Variants in HCRTR2 observed in about 807,000 individuals in gnomAD.
The protein encoded by HCRTR2 is hypocretin receptor 2.
HCRTR2 carries 22 observed loss-of-function variants against 49.0 expected under a neutral mutation model. That is an observed-to-expected ratio of 0.45 (90% confidence interval 0.32 to 0.64). The LOEUF is 0.64. HCRTR2 is among the 30% of genes least tolerant of loss of function. The probability of loss-of-function intolerance (pLI) is 0.04; values close to 1 mark genes in which losing one functional copy is unlikely to be tolerated. For missense variants in HCRTR2, 491 were observed against 559.4 expected (o/e 0.88, Z 1.23); for synonymous variants, 236 against 205.3 (o/e 1.15, Z -1.28).
chr6:55,116,224 G>A (rs1217313079), intron 1 of HCRTR2, among the ~76,000 whole-genome samples: 1 of 151,662 alleles, frequency 6.6e-6, no homozygotes, highest in Non-Finnish European at 1.5e-5. Context: ...GAAATGGCCA[G>A]TAAAACAGAT....
At chr6:55,209,532 C>T (rs905523258) in intron 1 of HCRTR2, among the ~76,000 whole-genome samples, 3 of 152,118 alleles carry the variant, frequency 2.0e-5, no homozygotes, top group Admixed American at 1.3e-4. Context: ...CACAGACAAT[C>T]AATTATGAAG....
chr6:55,239,074 A>C (rs1278497627), intron 1 of HCRTR2, among the ~76,000 whole-genome samples: 2 of 152,178 alleles, frequency 1.3e-5, no homozygotes, highest in Non-Finnish European at 2.9e-5. Flanking sequence ...GTTATCTACA[A>C]AGTGTAAAAA....
Position 55,280,368 on chromosome 6 carries a change from T to C in HCRTR2, c.1029T>C (p.Tyr343=). The change falls in exon 6 of 7, where the codon TAT becomes TAC. Residue 343 remains tyrosine, a synonymous_variant. Transcript: ENST00000370862. ...FAHTEDRETV[Y]AWFTFSHWLV... is the part of the protein sequence containing the mutation. ...ATACTGAAGACAGAGAGACTGTGTATGCCTGGTTTACCTTTTCACACTGGC... is the reference window on the plus strand; with the variant it reads ...ATACTGAAGACAGAGAGACTGTGTACGCCTGGTTTACCTTTTCACACTGGC... The C allele has an allele frequency of 6.2e-7, 1 of 1,612,928 alleles. No individual in the cohort carries two copies. Among genetic ancestry groups the C allele is most frequent in the South Asian group, 1.1e-5 (1 of 91,056 alleles).
chr6:55,207,101 C>G (rs1765615189), intron 1 of HCRTR2, among the ~76,000 whole-genome samples: 1 of 152,018 alleles, frequency 6.6e-6, no homozygotes, highest in African/African-American at 2.4e-5. Context: ...TCTTATAAAT[C>G]TAAGAATCTT....
chr6:55,251,567 A>G (rs1766551262), intron 2 of HCRTR2, among the ~76,000 whole-genome samples: 1 of 152,010 alleles, frequency 6.6e-6, no homozygotes, highest in Non-Finnish European at 1.5e-5. Flanking sequence ...GCCAGAAAAA[A>G]AAGAAGCCAA....
intron 1 of HCRTR2, among the ~76,000 whole-genome samples, chr6:55,107,036 T>C (rs1763984129): frequency 6.6e-6 from 1 of 152,170 alleles, no homozygotes; most frequent in Non-Finnish European, 1.5e-5. Flanking sequence ...GTCTTTCTTT[T>C]CAAGGTGATT....
chr6:55,119,318 A>G (rs1764163330), intron 1 of HCRTR2, among the ~76,000 whole-genome samples: 1 of 152,064 alleles, frequency 6.6e-6, no homozygotes, highest in South Asian at 2.1e-4. Context: ...TGCTGGGTCA[A>G]ATGGTATTTC....
rs183801343 is a variant in HCRTR2, at chr6:55,256,022, T to C, written c.646+643T>C. ...GATGTGAAATTTAAGCAATCAGGTT[T>C]GAAGGCTTTATGTTTCTTTGGTTAG... On this transcript the variant is annotated intron_variant, in intron 3 of 6. Coordinates refer to ENST00000370862, the MANE Select transcript of HCRTR2 (RefSeq NM_001384272.1). Among the ~76,000 whole-genome samples the C allele has an allele frequency of 3.5e-3, 527 of 152,330 alleles. 3 individuals are homozygous for C. The highest frequency in any genetic ancestry group is 0.012 in the African/African-American group (494 of 41,584).
chr6:55,126,386 G>A (rs1283872182), intron 1 of HCRTR2, among the ~76,000 whole-genome samples: 1 of 152,156 alleles, frequency 6.6e-6, no homozygotes, highest in East Asian at 1.9e-4. Context: ...GGACTTTGCT[G>A]GAGGTCCACT....
chr6:55,256,686 A>G (rs762894052), intron 3 of HCRTR2, among the ~76,000 whole-genome samples: 34 of 145,418 alleles, frequency 2.3e-4, no homozygotes, highest in Non-Finnish European at 4.4e-4. Flanking sequence ...TTCCAAATTA[A>G]TAGTGCAGAC....
intron 1 of HCRTR2, among the ~76,000 whole-genome samples, chr6:55,132,327 T>A (rs1223947359): frequency 1.3e-5 from 2 of 151,844 alleles, no homozygotes; most frequent in Non-Finnish European, 3.0e-5. Context: ...CAAGTAGGTT[T>A]TAGCCTTGAT....
At chr6:55,274,771 T>G (rs1767046247) in intron 4 of HCRTR2, among the ~76,000 whole-genome samples, 1 of 152,152 alleles carries the variant, frequency 6.6e-6, no homozygotes, top group Admixed American at 6.5e-5. Context: ...GATTTTTATC[T>G]CTATTCATGA....
intron 1 of HCRTR2, among the ~76,000 whole-genome samples, chr6:55,216,098 A>T (rs534957384): frequency 6.6e-6 from 1 of 152,314 alleles, no homozygotes; most frequent in East Asian, 1.9e-4. Flanking sequence ...ATGAAAACAC[A>T]TTAAGCCATT....
intron 1 of HCRTR2, 37 bp from the exon 2 acceptor site, chr6:55,248,602 T>A (rs1469567839): frequency 6.5e-7 from 1 of 1,545,144 alleles, no homozygotes; most frequent in Non-Finnish European, 8.9e-7. Context: ...ACCTATTTTC[T>A]TTGTTGAGTG....
intron 2 of HCRTR2, among the ~76,000 whole-genome samples, chr6:55,250,095 G>C (rs1429111893): frequency 6.6e-6 from 1 of 151,974 alleles, no homozygotes; most frequent in Non-Finnish European, 1.5e-5. Context: ...AAATTTTTAA[G>C]GTTAAACATT....
chr6:55,165,744 A>T (rs866197115), intron 1 of HCRTR2, among the ~76,000 whole-genome samples: 2,089 of 127,104 alleles, frequency 0.016, 83 homozygotes, highest in South Asian at 0.031. Flanking sequence ...TAGTATACAG[A>T]ATATATATAT....
intron 1 of HCRTR2, among the ~76,000 whole-genome samples, chr6:55,227,899 A>G (rs1766040407): frequency 6.6e-6 from 1 of 152,218 alleles, no homozygotes. Context: ...AAGATAGGGT[A>G]TAACAGTGAT....
intron 1 of HCRTR2, among the ~76,000 whole-genome samples, chr6:55,201,093 G>C (rs1233794989): frequency 2.0e-5 from 3 of 151,992 alleles, no homozygotes. Flanking sequence ...AGACCTGTTT[G>C]GTAGGTTCTC....
chr6:55,223,919 C>T (rs1765947465), intron 1 of HCRTR2, among the ~76,000 whole-genome samples: 1 of 152,132 alleles, frequency 6.6e-6, no homozygotes, highest in Non-Finnish European at 1.5e-5. Context: ...CAGCAATCTG[C>T]ATGACAAATT....
Sources: gnomAD v4.1 joint callset for allele counts (sites outside exome capture counted in the v4.1 genomes callset) on GRCh38, gnomAD v4.1.1 for gene constraint, MANE v1.5 for transcripts, NCBI Gene and HGNC (gene_info 2026-07-23, HGNC 2026-07-21) for gene names.